The following PPM1H variants were observed in gnomAD, a reference collection of about 807,000 sequenced individuals.
The protein encoded by PPM1H is protein phosphatase, Mg2+/Mn2+ dependent 1H.
Under a neutral mutation model 54.9 loss-of-function variants are expected in PPM1H, and 27 were observed. The observed-to-expected ratio is 0.49, with a 90% CI of 0.36 to 0.68. The LOEUF (loss-of-function observed/expected upper bound fraction) is 0.68. Among genes scored for constraint, PPM1H ranks in the 30% least tolerant of loss-of-function variants. The pLI is 0.00. For synonymous variants in PPM1H, 305 were observed against 270.8 expected, an observed-to-expected ratio of 1.13 and a Z score of -1.24; for missense variants, 596 against 667.8, an observed-to-expected ratio of 0.89 and a Z score of 1.19.
chr12:62,894,441 G>T (rs1293891816), intron 1 of PPM1H, among the ~76,000 whole-genome samples: 1 of 152,132 alleles, frequency 6.6e-6, no homozygotes, highest in Non-Finnish European at 1.5e-5. Context: ...TTGAAAGTAG[G>T]GTTGTATCAG....
At chr12:62,879,500 A>G (rs537594737) in intron 1 of PPM1H, among the ~76,000 whole-genome samples, 23 of 152,252 alleles carry the variant, frequency 1.5e-4, no homozygotes, top group Middle Eastern at 3.4e-3. Context: ...TTCTCAGCAA[A>G]ATATCATAAG....
At chr12:62,765,187 A>G (rs987834512) in intron 4 of PPM1H, among the ~76,000 whole-genome samples, 2 of 152,226 alleles carry the variant, frequency 1.3e-5, no homozygotes, top group African/African-American at 4.8e-5. Context: ...GTGACAGTAC[A>G]TGACCAACAG....
intron 2 of PPM1H, among the ~76,000 whole-genome samples, chr12:62,831,471 G>T (rs1339633430): frequency 2.0e-5 from 3 of 152,028 alleles, no homozygotes; most frequent in Non-Finnish European, 4.4e-5. Context: ...AGTCTGCAAG[G>T]CCACCCCATG....
At chr12:62,700,383 T>A (rs776958636) in intron 6 of PPM1H, among the ~76,000 whole-genome samples, 2 of 152,168 alleles carry the variant, frequency 1.3e-5, no homozygotes, top group Non-Finnish European at 2.9e-5. Context: ...GTCCTGCTAT[T>A]CTTCCTACCT....
At chr12:62,706,814 C>T (rs1481507515) in intron 6 of PPM1H, among the ~76,000 whole-genome samples, 1 of 152,052 alleles carries the variant, frequency 6.6e-6, no homozygotes, top group Non-Finnish European at 1.5e-5. Context: ...AATTCTCTTC[C>T]TAAAATTAAA....
chr12:62,750,510 A>G (rs1316592812), intron 4 of PPM1H, among the ~76,000 whole-genome samples: 2 of 152,234 alleles, frequency 1.3e-5, no homozygotes, highest in African/African-American at 4.8e-5. Flanking sequence ...TTGTTTATCC[A>G]TTCATTAGTT....
intron 1 of PPM1H, among the ~76,000 whole-genome samples, chr12:62,886,584 G>A (rs1467084143): frequency 6.6e-6 from 1 of 152,064 alleles, no homozygotes; most frequent in Non-Finnish European, 1.5e-5. Flanking sequence ...AACCTTGCTG[G>A]CTGCAAGATG....
intron 1 of PPM1H, among the ~76,000 whole-genome samples, chr12:62,919,963 A>C (rs79816812): frequency 1.3e-5 from 2 of 152,164 alleles, no homozygotes; most frequent in Non-Finnish European, 2.9e-5. Flanking sequence ...TTAAAAAAAA[A>C]TACATAAATA....
intron 1 of PPM1H, among the ~76,000 whole-genome samples, chr12:62,858,023 T>C (rs1201352031): frequency 6.6e-6 from 1 of 151,930 alleles, no homozygotes; most frequent in African/African-American, 2.4e-5. Flanking sequence ...CAAAAATAAG[T>C]CCTAGTCTAC....
Position 62,830,506 on chromosome 12 carries a change from T to G in PPM1H, c.411+1608A>C, listed in dbSNP as rs1051377692. ...TCCTGACCTCGTGATCTGCCCGCCT[T>G]GGCCTCCCAAAGTGCTGGGATTACA... On this transcript the variant is annotated intron_variant, in intron 2 of 9. Transcript: ENST00000228705. Among the ~76,000 whole-genome samples, 4 of 152,092 alleles carry G rather than the reference T, an allele frequency of 2.6e-5. 1 individual carries two copies. The highest frequency in any genetic ancestry group is 5.9e-5 in the Non-Finnish European group (4 of 68,010).
chr12:62,649,161 AC>A (rs2075802352), intron 9 of PPM1H, among the ~76,000 whole-genome samples: 1 of 151,598 alleles, frequency 6.6e-6, no homozygotes, highest in Non-Finnish European at 1.5e-5. Context: ...AAATAATACA[AC>A]CTGGCATAAG....
rs373507818 is a variant in PPM1H at position 62,777,748 on chromosome 12, A to G, written c.869+10478T>C. 2.6e-5 allele frequency among the ~76,000 whole-genome samples: 4 copies of G among 152,356 alleles called. No individual in the cohort carries two copies. The East Asian group carries it at 5.8e-4, about 22-fold the overall frequency. On this transcript the variant is annotated intron_variant, in intron 4 of 9. Transcript: ENST00000228705. ...TATATCATTTAAAAATCTTTACAAC[A>G]TAACTATGACAATTTAAAAATAACC...
intron 2 of PPM1H, among the ~76,000 whole-genome samples, chr12:62,808,011 T>C (rs994290362): frequency 5.3e-5 from 8 of 152,172 alleles, no homozygotes; most frequent in Admixed American, 1.3e-4. Context: ...CTCATTTTTG[T>C]ATTTTTCAGA....
chr12:62,868,356 T>A (rs1481814155), intron 1 of PPM1H, among the ~76,000 whole-genome samples: 1 of 151,012 alleles, frequency 6.6e-6, no homozygotes, highest in African/African-American at 2.4e-5. Flanking sequence ...GCCCGCTTCC[T>A]GCTAGGGCCA....
intron 8 of PPM1H, among the ~76,000 whole-genome samples, chr12:62,674,209 G>T (rs902255020): frequency 6.6e-6 from 1 of 152,152 alleles, no homozygotes; most frequent in African/African-American, 2.4e-5. Flanking sequence ...CGTCTAGTTG[G>T]TAGAAGGAAA....
At chr12:62,694,127 C>T (rs533682037) in intron 6 of PPM1H, 128 bp from the exon 7 acceptor site, 1 of 756,758 alleles carries the variant, frequency 1.3e-6, no homozygotes, top group East Asian at 2.7e-5. Context: ...CTACCTCTTC[C>T]TTTATAGGGA....
At chr12:62,931,109 C>T (rs1305955769) in intron 1 of PPM1H, among the ~76,000 whole-genome samples, 1 of 152,158 alleles carries the variant, frequency 6.6e-6, no homozygotes, top group Admixed American at 6.5e-5. Context: ...ACCATTTCTC[C>T]TTAATTTTTC....
chr12:62,798,824 GC>G (rs2076750533), intron 3 of PPM1H, among the ~76,000 whole-genome samples: 1 of 152,012 alleles, frequency 6.6e-6, no homozygotes, highest in African/African-American at 2.4e-5. Flanking sequence ...GAGCCCCAGG[GC>G]ATTCATTCTC....
chr12:62,676,986 C>A (rs2075990756), intron 8 of PPM1H, among the ~76,000 whole-genome samples: 1 of 152,122 alleles, frequency 6.6e-6, no homozygotes, highest in African/African-American at 2.4e-5. Flanking sequence ...CCACTCATGG[C>A]CACCCCTGAA....
Sources: allele counts gnomAD v4.1 joint callset (sites outside exome capture counted in the v4.1 genomes callset), GRCh38; gene constraint gnomAD v4.1.1; transcripts MANE v1.5; gene names NCBI Gene and HGNC (gene_info 2026-07-23, HGNC 2026-07-21).